The following MDGA2 variants were observed in gnomAD, a reference collection of about 807,000 sequenced individuals.
MDGA2 encodes MAM domain-containing glycosylphosphatidylinositol anchor protein 2.
MDGA2 carries 40 observed loss-of-function variants against 117.8 expected under a neutral mutation model. The ratio of observed to expected loss-of-function variants is 0.34; its 90% CI spans 0.26 to 0.44. The LOEUF is 0.44. Among genes scored for constraint, MDGA2 ranks in the 20% least tolerant of loss-of-function variants. The pLI, the probability that MDGA2 is intolerant of heterozygous loss-of-function variation, is 1.00. For missense variants in MDGA2, 1,123 were observed against 1,250.6 expected, an observed-to-expected ratio of 0.90 and a Z score of 1.54; for synonymous variants, 452 against 439.0, an observed-to-expected ratio of 1.03 and a Z score of -0.37.
At chr14:47,186,712 C>G (rs188615859) in intron 3 of MDGA2, among the ~76,000 whole-genome samples, 89 of 152,054 alleles carry the variant, frequency 5.9e-4, no homozygotes, top group Admixed American at 3.3e-3. Context: ...GCCTTAAACA[C>G]CAGTTGACTT....
At chr14:47,022,511 T>C (rs1394043371) in intron 8 of MDGA2, among the ~76,000 whole-genome samples, 4 of 152,116 alleles carry the variant, frequency 2.6e-5, no homozygotes, top group Non-Finnish European at 4.4e-5. Context: ...GAGTTTATAA[T>C]CTCTTATGAG....
intron 9 of MDGA2, among the ~76,000 whole-genome samples, chr14:46,939,174 G>A (rs370100253): frequency 6.6e-5 from 10 of 152,224 alleles, no homozygotes; most frequent in African/African-American, 2.2e-4. Context: ...TTACAGATAG[G>A]AGGGATAAAT....
chr14:47,074,902 G>C (rs1019193348), intron 6 of MDGA2, among the ~76,000 whole-genome samples: 2 of 152,096 alleles, frequency 1.3e-5, no homozygotes, highest in African/African-American at 4.8e-5. Context: ...TTGTCCGCTC[G>C]ATTTTTATGT....
chr14:47,346,098 C>A (rs1890756853), intron 1 of MDGA2, among the ~76,000 whole-genome samples: 1 of 151,906 alleles, frequency 6.6e-6, no homozygotes, highest in Admixed American at 6.6e-5. Flanking sequence ...ATTGAATGTT[C>A]CCAACACAAA....
intron 4 of MDGA2, among the ~76,000 whole-genome samples, chr14:47,140,575 A>G (rs1882675219): frequency 6.6e-6 from 1 of 152,142 alleles, no homozygotes; most frequent in Admixed American, 6.6e-5. Flanking sequence ...ATCTCACATT[A>G]GGGAATGGAC....
At chr14:47,353,756 T>C (rs985895638) in intron 1 of MDGA2, among the ~76,000 whole-genome samples, 2 of 152,102 alleles carry the variant, frequency 1.3e-5, no homozygotes, top group African/African-American at 4.8e-5. Flanking sequence ...TCAATCCTTC[T>C]CAAACTCTTC....
chr14:47,054,346 T>A (rs976297674), intron 7 of MDGA2, among the ~76,000 whole-genome samples: 1 of 151,694 alleles, frequency 6.6e-6, no homozygotes, highest in Middle Eastern at 3.4e-3. Flanking sequence ...TATTATACTT[T>A]AAGTTTTAGG....
intron 1 of MDGA2, among the ~76,000 whole-genome samples, chr14:47,385,445 C>T (rs1371173705): frequency 2.0e-5 from 3 of 151,638 alleles, no homozygotes; most frequent in African/African-American, 7.3e-5. Flanking sequence ...AATTATCTAT[C>T]AAAATAAAAA....
Position 46,954,843 on chromosome 14 carries a change from T to C in MDGA2, c.2089+2531A>G, listed in dbSNP as rs188215598. 2.1e-4 allele frequency among the ~76,000 whole-genome samples: 32 copies of C among 152,246 alleles called. No individual in the cohort carries two copies. In the East Asian group the frequency reaches 6.2e-3, roughly 29 times the overall value. ...TATGATTTATTTTCAACTTAAGCCA[T>C]CCTTTTACCCTCTCTGTATTCACTT... is the stretch of plus-strand genomic sequence containing the variant. On this transcript the variant is annotated intron_variant, in intron 9 of 16. Coordinates refer to ENST00000399232, the MANE Select transcript of MDGA2 (RefSeq NM_001113498.3).
At position 47,039,667 on chromosome 14, in the gene MDGA2, A is replaced by C. The variant is rs189109995; in HGVS notation, c.1526-4363T>G. Among the ~76,000 whole-genome samples, 713 of 152,322 alleles carry C rather than the reference A, an allele frequency of 4.7e-3. 3 individuals are homozygous for C. The highest frequency in any genetic ancestry group is 0.016 in the African/African-American group (669 of 41,570). ...CAACAACCTGAAAACAGCTTAATGG[A>C]GTTGTTAAATAAATCATAAAACAGT... On this transcript the variant is annotated intron_variant, in intron 7 of 16. Coordinates refer to ENST00000399232, the MANE Select transcript of MDGA2 (RefSeq NM_001113498.3).
intron 1 of MDGA2, among the ~76,000 whole-genome samples, chr14:47,387,185 A>G (rs1566764621): frequency 6.6e-6 from 1 of 152,274 alleles, no homozygotes; most frequent in East Asian, 1.9e-4. Flanking sequence ...TCTCTCTAAC[A>G]TTATTTCAAA....
intron 10 of MDGA2, among the ~76,000 whole-genome samples, chr14:46,892,089 C>T (rs1250701922): frequency 6.6e-6 from 1 of 151,310 alleles, no homozygotes; most frequent in South Asian, 2.1e-4. Flanking sequence ...TTTAAATAAG[C>T]TTATTTAAAG....
intron 9 of MDGA2, among the ~76,000 whole-genome samples, chr14:46,935,110 A>G (rs772977085): frequency 9.9e-5 from 15 of 152,248 alleles, no homozygotes. Context: ...GAGTATGTGA[A>G]TTGGTGGCAT....
chr14:46,959,820 C>T (rs1167652637), intron 8 of MDGA2, among the ~76,000 whole-genome samples: 3 of 152,146 alleles, frequency 2.0e-5, no homozygotes, highest in Non-Finnish European at 4.4e-5. Context: ...AATCAATACC[C>T]TTATTATACT....
chr14:47,343,358 G>T, intron 1 of MDGA2: 1 of 721,260 alleles, frequency 1.4e-6, no homozygotes, highest in Non-Finnish European at 1.7e-6. Flanking sequence ...CTCAAAGGAG[G>T]ACAGAAAGTG....
At chr14:47,557,394 T>C (rs955735001) in intron 1 of MDGA2, among the ~76,000 whole-genome samples, 1 of 152,218 alleles carries the variant, frequency 6.6e-6, no homozygotes, top group African/African-American at 2.4e-5. Flanking sequence ...TTTAAGGGTG[T>C]AATTTGCAAT....
chr14:47,226,861 A>T (rs1322165411), intron 2 of MDGA2, among the ~76,000 whole-genome samples: 1 of 152,138 alleles, frequency 6.6e-6, no homozygotes, highest in Non-Finnish European at 1.5e-5. Flanking sequence ...TTACAGCTCC[A>T]GTCCTTCCAT....
chr14:47,546,872 A>G (rs1188534476), intron 1 of MDGA2, among the ~76,000 whole-genome samples: 1 of 152,228 alleles, frequency 6.6e-6, no homozygotes, highest in Non-Finnish European at 1.5e-5. Flanking sequence ...TTCACTTTAG[A>G]GCCTGATGCC....
intron 5 of MDGA2, among the ~76,000 whole-genome samples, chr14:47,099,492 T>C (rs925515384): frequency 6.6e-6 from 1 of 151,966 alleles, no homozygotes; most frequent in African/African-American, 2.4e-5. Flanking sequence ...ACATAAAACA[T>C]TATAGGTTAG....
Sources: gnomAD v4.1 joint callset for allele counts (sites outside exome capture counted in the v4.1 genomes callset) on GRCh38, gnomAD v4.1.1 for gene constraint, MANE v1.5 for transcripts, NCBI Gene and HGNC (gene_info 2026-07-23, HGNC 2026-07-21) for gene names.